MAL2: variants seen among roughly 807,000 people sequenced by gnomAD.
MAL2 encodes the protein protein MAL2.
A neutral mutation model predicts 18.1 loss-of-function variants in MAL2; 17 were observed. That is an observed-to-expected ratio of 0.94 (90% CI 0.64 to 1.41). The LOEUF is 1.41. Ranked by LOEUF, MAL2 falls within the 40% of genes most tolerant of loss-of-function variation. The probability of loss-of-function intolerance (pLI) is 0.00; values close to 1 mark genes in which losing one functional copy is unlikely to be tolerated. For synonymous variants in MAL2, 102 were observed against 102.3 expected (o/e 1.00, Z 0.02); for missense variants, 222 against 231.9 (o/e 0.96, Z 0.28).
chr8:119,209,624 C>T (rs1364630321), intron 1 of MAL2, among the ~76,000 whole-genome samples: 1 of 152,162 alleles, frequency 6.6e-6, no homozygotes, highest in Non-Finnish European at 1.5e-5. Context: ...CTCCCCTCAC[C>T]CTGGCCTTTG....
At chr8:119,222,494 C>G (rs1244916568) in intron 2 of MAL2, among the ~76,000 whole-genome samples, 1 of 149,234 alleles carries the variant, frequency 6.7e-6, no homozygotes, top group Non-Finnish European at 1.5e-5. Flanking sequence ...GTACTCCAGC[C>G]TGGGTGACAG....
chr8:119,230,441 G>A lies in MAL2; in HGVS notation c.303+8684G>A, dbSNP rs559900396. 2.9e-4 allele frequency among the ~76,000 whole-genome samples: 44 copies of A among 152,204 alleles called. No homozygotes were observed. In the South Asian group the frequency reaches 4.6e-3, roughly 16 times the overall value. ...GGAAGAAGCAAAATTGGCAGGATTG[G>A]GGGGGCGGGAAGGGGCAAGCAGTAA... On this transcript the variant is annotated intron_variant, in intron 2 of 3. Coordinates refer to ENST00000614891, the MANE Select transcript of MAL2 (RefSeq NM_052886.3).
intron 2 of MAL2, among the ~76,000 whole-genome samples, chr8:119,231,438 A>G (rs1325205718): frequency 6.6e-6 from 1 of 152,236 alleles, no homozygotes; most frequent in Non-Finnish European, 1.5e-5. Flanking sequence ...ATAGAAATCA[A>G]TAATAGGTTT....
intron 2 of MAL2, among the ~76,000 whole-genome samples, chr8:119,234,409 C>A (rs1165148696): frequency 6.6e-6 from 1 of 152,198 alleles, no homozygotes; most frequent in East Asian, 1.9e-4. Flanking sequence ...CCCAGGCTTG[C>A]TTAGGTAAAC....
At position 119,217,335 on chromosome 8, in the gene MAL2, A is replaced by G. The variant is rs544228512; in HGVS notation, c.133-4252A>G. On this transcript the variant is annotated intron_variant, in intron 1 of 3. Transcript: ENST00000614891. ...ATTTAATAACTGCAACTCAGAATAT[A>G]TTTGAGTACTTCTGGTATGTACCCA... Among the ~76,000 whole-genome samples, 462 of 152,320 alleles carry G rather than the reference A, an allele frequency of 3.0e-3. 4 individuals carry two copies. Among genetic ancestry groups the G allele is most frequent in the African/African-American group, 0.011 (438 of 41,562 alleles).
Position 119,208,822 on chromosome 8 carries a change from C to T in MAL2, c.132+218C>T, listed in dbSNP as rs984389093. On this transcript the variant is annotated intron_variant, in intron 1 of 3. Coordinates refer to ENST00000614891, the MANE Select transcript of MAL2 (RefSeq NM_052886.3). The surrounding 1 kb of genome is among the most constrained non-coding windows in gnomAD (Gnocchi z 4.3). ...ACGCGGGCACCTGCTCCCCCGCGGG[C>T]GACGGAAATTGCCTGGGGAGGGCGA... is the stretch of plus-strand genomic sequence containing the variant. 2 of 666,538 alleles carry T rather than the reference C, an allele frequency of 3.0e-6. No individual in the cohort carries two copies. Among genetic ancestry groups the T allele is most frequent in the Non-Finnish European group, 4.1e-6 (2 of 483,686 alleles). The allele number at this position is 666,538 out of a possible 1,614,324, so 41.3% of individuals were successfully genotyped here.
At chr8:119,213,479 T>C (rs2129774998) in intron 1 of MAL2, among the ~76,000 whole-genome samples, 1 of 152,310 alleles carries the variant, frequency 6.6e-6, no homozygotes, top group South Asian at 2.1e-4. Context: ...AAACTGTAGG[T>C]ATTTTTTTTC....
At chr8:119,215,991 G>T (rs913652850) in intron 1 of MAL2, among the ~76,000 whole-genome samples, 1 of 151,968 alleles carries the variant, frequency 6.6e-6, no homozygotes, top group African/African-American at 2.4e-5. Flanking sequence ...ATAGCTAATT[G>T]TAGATAATCT....
intron 3 of MAL2, 120 bp from the exon 4 acceptor site, chr8:119,243,297 G>A (rs1426440730): frequency 3.8e-6 from 2 of 529,960 alleles, no homozygotes; most frequent in Middle Eastern, 4.0e-4. Flanking sequence ...AAATATTTTT[G>A]TAAGTGTCGA....
At chr8:119,240,788 C>T (rs1458146497) in intron 3 of MAL2, among the ~76,000 whole-genome samples, 1 of 152,050 alleles carries the variant, frequency 6.6e-6, no homozygotes, top group Non-Finnish European at 1.5e-5. Flanking sequence ...CAGTTCCTGC[C>T]ATTAAGGAAA....
intron 1 of MAL2, among the ~76,000 whole-genome samples, chr8:119,209,691 G>T (rs1817241358): frequency 6.6e-6 from 1 of 152,156 alleles, no homozygotes; most frequent in Admixed American, 6.5e-5. Flanking sequence ...TTGTGGAGCT[G>T]GATCACCTTG....
At chr8:119,232,092 G>C (rs1817743527) in intron 2 of MAL2, among the ~76,000 whole-genome samples, 1 of 148,114 alleles carries the variant, frequency 6.8e-6, no homozygotes, top group South Asian at 2.1e-4. Context: ...AATTTTGGGA[G>C]GTTTTATATA....
intron 2 of MAL2, 103 bp from the exon 3 acceptor site, chr8:119,240,062 A>T: frequency 8.3e-7 from 1 of 1,203,730 alleles, no homozygotes; most frequent in South Asian, 1.5e-5. Flanking sequence ...AAGATTGTTT[A>T]ATTAAATGTT....
At chr8:119,217,160 T>C (rs1817370773) in intron 1 of MAL2, among the ~76,000 whole-genome samples, 1 of 152,168 alleles carries the variant, frequency 6.6e-6, no homozygotes, top group African/African-American at 2.4e-5. Context: ...GAGGATTCAG[T>C]TTAGTGTGAT....
chr8:119,236,359 C>A (rs1484919120), intron 2 of MAL2, among the ~76,000 whole-genome samples: 1 of 150,510 alleles, frequency 6.6e-6, no homozygotes, highest in African/African-American at 2.5e-5. Context: ...ACTTTAACAC[C>A]CCACTGTCAA....
intron 2 of MAL2, among the ~76,000 whole-genome samples, chr8:119,226,210 G>C (rs1373926558): frequency 6.6e-6 from 1 of 152,058 alleles, no homozygotes; most frequent in African/African-American, 2.4e-5. Context: ...TGAAGTCCTT[G>C]CCCATGCCTA....
chr8:119,217,669 CAT>C (rs1289215745), intron 1 of MAL2, among the ~76,000 whole-genome samples: 6 of 152,122 alleles, frequency 3.9e-5, no homozygotes, highest in African/African-American at 1.2e-4. Context: ...GTGGGCGAAA[CAT>C]ATAATAGTTC....
chr8:119,214,540 G>C (rs921759565), intron 1 of MAL2, among the ~76,000 whole-genome samples: 2 of 152,126 alleles, frequency 1.3e-5, no homozygotes, highest in Non-Finnish European at 2.9e-5. Context: ...AACTAAAAGT[G>C]ATAACTAGTT....
At chr8:119,226,061 TAAA>T (rs900640256) in intron 2 of MAL2, among the ~76,000 whole-genome samples, 9 of 152,090 alleles carry the variant, frequency 5.9e-5, no homozygotes, top group Non-Finnish European at 2.9e-5. Context: ...TCCCATTCTG[TAAA>T]AAATTTTCTC....
Sources: allele counts gnomAD v4.1 joint callset (sites outside exome capture counted in the v4.1 genomes callset), GRCh38; gene constraint gnomAD v4.1.1; non-coding constraint Gnocchi (gnomAD v3.1); transcripts MANE v1.5; gene names NCBI Gene and HGNC (gene_info 2026-07-23, HGNC 2026-07-21).